Variants in EIF4B observed in about 807,000 individuals in gnomAD.
The protein encoded by EIF4B is eukaryotic translation initiation factor 4B.
A neutral mutation model predicts 79.3 loss-of-function variants in EIF4B; 8 were observed. The observed-to-expected ratio is 0.10, with a 90% CI of 0.06 to 0.18. The LOEUF is 0.18. Ranked by LOEUF, EIF4B falls within the 10% of genes least tolerant of loss-of-function variation. The pLI is 1.00. For synonymous variants in EIF4B, 238 were observed against 274.7 expected (o/e 0.87, Z 1.32); for missense variants, 515 against 792.4 (o/e 0.65, Z 4.20).
At chr12:53,011,252 G>T (rs987194259) in intron 1 of EIF4B, among the ~76,000 whole-genome samples, 1 of 152,202 alleles carries the variant, frequency 6.6e-6, no homozygotes, top group African/African-American at 2.4e-5. Context: ...GGGTGACAGA[G>T]CAAGACCCTG....
intron 8 of EIF4B, among the ~76,000 whole-genome samples, chr12:53,032,672 T>TG (rs1234215256): frequency 6.6e-6 from 1 of 150,942 alleles, no homozygotes; most frequent in African/African-American, 2.4e-5. Context: ...TTTTTTTGTT[T>TG]TTTTTTTTTT....
At chr12:53,012,082 C>G (rs1168412594) in intron 1 of EIF4B, 2 of 152,202 alleles carry the variant, frequency 1.3e-5, no homozygotes, top group African/African-American at 4.8e-5. Flanking sequence ...CATCTTTTCT[C>G]AGTTAACTGG....
chr12:53,036,672 A>G (rs888273696), intron 10 of EIF4B, among the ~76,000 whole-genome samples: 1 of 151,954 alleles, frequency 6.6e-6, no homozygotes, highest in Non-Finnish European at 1.5e-5. Flanking sequence ...CAGCCTCCCA[A>G]TGGGGGCTCC....
chr12:53,037,470 T>C lies in EIF4B; in HGVS notation c.1368T>C (p.Asp456=), dbSNP rs961344930. 1.2e-6 allele frequency: 2 copies of C among 1,613,374 alleles called. No individual in the cohort carries two copies. The highest frequency in any genetic ancestry group is 2.2e-5 in the East Asian group (1 of 44,898). ...ATGAAACACTCAATAAGGAGGAAGA[T>C]TGCCACTCTCCAACTTCTAAACCTC... is the stretch of plus-strand genomic sequence containing the variant. ...LENETLNKEE[D]CHSPTSKPPK... The change falls in exon 11 of 15, where the codon GAT becomes GAC. Residue 456 remains aspartate (D), a synonymous_variant. Transcript: ENST00000262056.
At chr12:53,031,964 AAC>A (rs1299059995) in intron 8 of EIF4B, among the ~76,000 whole-genome samples, 1 of 152,194 alleles carries the variant, frequency 6.6e-6, no homozygotes, top group African/African-American at 2.4e-5. Flanking sequence ...ATTTAGGACA[AAC>A]AATCATTTTT....
At chr12:53,013,263 C>T (rs116892036) in intron 1 of EIF4B, among the ~76,000 whole-genome samples, 1 of 152,156 alleles carries the variant, frequency 6.6e-6, no homozygotes, top group Non-Finnish European at 1.5e-5. Context: ...ATTGTACTGA[C>T]CACCAGTTCT....
At chr12:53,027,644 TC>T in intron 6 of EIF4B, 137 bp from the exon 7 acceptor site, 1 of 1,412,202 alleles carries the variant, frequency 7.1e-7, no homozygotes, top group East Asian at 2.3e-5. Flanking sequence ...AACAATTATT[TC>T]ACCAGGGAAA....
chr12:53,017,460 G>A (rs989781297), intron 2 of EIF4B, among the ~76,000 whole-genome samples: 2 of 152,112 alleles, frequency 1.3e-5, no homozygotes, highest in African/African-American at 2.4e-5. Flanking sequence ...TCAGGGAGTC[G>A]CCAGGAATAA....
chr12:53,018,979 A>G lies in EIF4B; in HGVS notation c.333A>G (p.Ser111=). 6.2e-7 allele frequency: 1 copy of G among 1,613,908 alleles called. No homozygotes were observed. Among genetic ancestry groups the G allele is most frequent in the Non-Finnish European group, 8.5e-7 (1 of 1,179,912 alleles). ...GNLPYDVTEE[S]IKEFFRGLNI... is the part of the protein sequence containing the mutation. ...TACCCTATGATGTTACAGAAGAGTCAATTAAGGAATTCTTTCGAGGATTAA... is the reference window on the plus strand; with the variant it reads ...TACCCTATGATGTTACAGAAGAGTCGATTAAGGAATTCTTTCGAGGATTAA... Residue 111 remains serine, a synonymous_variant, in exon 3 of 15, where the codon TCA becomes TCG. Transcript: ENST00000262056.
chr12:53,026,622 G>T (rs1943339018), intron 6 of EIF4B, among the ~76,000 whole-genome samples: 1 of 151,982 alleles, frequency 6.6e-6, no homozygotes, highest in Non-Finnish European at 1.5e-5. Flanking sequence ...TTTATTTTGA[G>T]AGGAAGTCTC....
intron 1 of EIF4B, among the ~76,000 whole-genome samples, chr12:53,014,445 A>G (rs1158605782): frequency 2.0e-5 from 3 of 152,156 alleles, no homozygotes; most frequent in Non-Finnish European, 4.4e-5. Context: ...GATGGATTCA[A>G]AATGTGATCT....
chr12:53,039,172 A>G (rs1592230185), intron 12 of EIF4B, 66 bp from the exon 13 acceptor site: 1 of 1,196,350 alleles, frequency 8.4e-7, no homozygotes, highest in East Asian at 2.5e-5. Flanking sequence ...GCTTAAGGGA[A>G]ATCTTAGGAG....
At position 53,028,136 on chromosome 12, in the gene EIF4B, G is replaced by C. The variant is rs200024385; in HGVS notation, c.927G>C (p.Ser309=). ...GATATGACAGACGGGATGATCGGTC[G>C]TGGAGCTCCAGAGATGATTACTCTC... is the stretch of plus-strand genomic sequence containing the variant. The part of the protein sequence containing the change: ...EDRYDRRDDR[S]WSSRDDYSRD... Residue 309 remains serine (S), a synonymous_variant, in exon 8 of 15, where the codon TCG becomes TCC. Coordinates refer to ENST00000262056, the MANE Select transcript of EIF4B (RefSeq NM_001417.7). 10 of 1,613,674 alleles carry C rather than the reference G, an allele frequency of 6.2e-6. No homozygotes were observed. The highest frequency in any genetic ancestry group is 8.5e-6 in the Non-Finnish European group (10 of 1,179,884).
At position 53,018,247 on chromosome 12, in the gene EIF4B, C is replaced by T. The variant is rs530286903; in HGVS notation, c.152-551C>T. Among the ~76,000 whole-genome samples, 7 of 152,226 alleles carry T rather than the reference C, an allele frequency of 4.6e-5. No homozygotes were observed. The East Asian group carries it at 1.2e-3, about 25-fold the overall frequency. On this transcript the variant is annotated intron_variant, in intron 2 of 14. Transcript: ENST00000262056. The stretch of plus-strand genomic sequence containing the variant: ...CAGGTGATCACCCACCTTGGCCTCC[C>T]GAAGTGTTGGGATTATAGGTGTGAG...
intron 10 of EIF4B, among the ~76,000 whole-genome samples, chr12:53,036,941 C>T (rs894803614): frequency 7.2e-5 from 11 of 152,220 alleles, no homozygotes; most frequent in Admixed American, 2.0e-4. Context: ...CCCCAACAGC[C>T]TCCCAATATC....
intron 14 of EIF4B, 41 bp downstream of exon 14, chr12:53,039,743 A>G (rs1334282590): frequency 6.3e-7 from 1 of 1,577,722 alleles, no homozygotes. Context: ...ATTCTAAGAA[A>G]AATTCTTAGA....
At chr12:53,040,089 T>A in intron 14 of EIF4B, 54 bp from the exon 15 acceptor site, 1 of 1,600,608 alleles carries the variant, frequency 6.2e-7, no homozygotes, top group Non-Finnish European at 8.6e-7. Context: ...TGTCTTGGGT[T>A]TTGATGTGAT....
chr12:53,006,955 G>T (rs900659257), intron 1 of EIF4B, among the ~76,000 whole-genome samples: 55 of 150,540 alleles, frequency 3.7e-4, no homozygotes, highest in African/African-American at 6.6e-4. Context: ...AGTGTGGTGG[G>T]GGGGAGCAGT....
At chr12:53,011,074 A>C (rs1943056563) in intron 1 of EIF4B, among the ~76,000 whole-genome samples, 1 of 152,170 alleles carries the variant, frequency 6.6e-6, no homozygotes, top group South Asian at 2.1e-4. Flanking sequence ...GACCAGCCTA[A>C]GTAACATAGT....
Sources: allele counts gnomAD v4.1 joint callset (sites outside exome capture counted in the v4.1 genomes callset), GRCh38; gene constraint gnomAD v4.1.1; transcripts MANE v1.5; gene names NCBI Gene and HGNC (gene_info 2026-07-23, HGNC 2026-07-21).